The following ZNF738 variants were observed in gnomAD, a reference collection of about 807,000 sequenced individuals.
ZNF738 encodes protein ZNF738.
Under a neutral mutation model 9.2 loss-of-function variants are expected in ZNF738, and 10 were observed. The ratio of observed to expected loss-of-function variants is 1.09; its 90% CI spans 0.67 to 1.85. ZNF738 has a LOEUF of 1.85. Ranked by LOEUF, ZNF738 falls within the 40% of genes most tolerant of loss-of-function variation. The probability of loss-of-function intolerance (pLI) is 0.00; values close to 1 mark genes in which losing one functional copy is unlikely to be tolerated. For missense variants in ZNF738, 346 were observed against 283.6 expected, an observed-to-expected ratio of 1.22 and a Z score of -1.58; for synonymous variants, 113 against 94.5, an observed-to-expected ratio of 1.20 and a Z score of -1.14.
intron 1 of ZNF738, among the ~76,000 whole-genome samples, chr19:21,359,750 G>A (rs1385139611): frequency 1.3e-5 from 2 of 151,840 alleles, no homozygotes; most frequent in African/African-American, 4.8e-5. Flanking sequence ...GGTGGCGGGC[G>A]CCTGTAGTCC....
At position 21,375,931 on chromosome 19, in the gene ZNF738, A is replaced by G. The variant is rs1023590225; in HGVS notation, c.286A>G (p.Met96Val). Residue 96 changes from methionine to valine, a missense_variant, in exon 4 of 5, where the codon ATG becomes GTG. Coordinates refer to ENST00000683779, the MANE Select transcript of ZNF738 (RefSeq NM_001355237.2). ...GGAGCAAGGAAAAGATCCCTGGAAT[A>G]TGAAGAGACACAGTATGGTAGCCAC... ...CLEQGKDPWNMKRHSMVATPP... is the reference protein window; with the variant it reads ...CLEQGKDPWNVKRHSMVATPP... The G allele has an allele frequency of 2.5e-6, 2 of 796,806 alleles. No homozygotes were observed. Among genetic ancestry groups the G allele is most frequent in the Non-Finnish European group, 4.6e-6 (2 of 434,932 alleles). 49.4% of individuals were successfully genotyped at this position (796,806 alleles called of 1,614,324 possible).
chr19:21,369,814 TTC>T (rs1441112428), intron 2 of ZNF738, among the ~76,000 whole-genome samples: 95 of 151,920 alleles, frequency 6.3e-4, no homozygotes, highest in African/African-American at 2.2e-3. Flanking sequence ...TCCAGCTTCA[TTC>T]TTTTTTTTTT....
At chr19:21,359,175 G>C (rs1235475532) in intron 1 of ZNF738, 32 bp downstream of exon 1, 2 of 1,038,720 alleles carry the variant, frequency 1.9e-6, no homozygotes, top group South Asian at 1.3e-5. Context: ...TCCCGAGAGA[G>C]GGGAAGGGCT....
rs567488404 is a variant in ZNF738, at chr19:21,384,517, G to A, written c.*843G>A. Among the ~76,000 whole-genome samples the A allele has an allele frequency of 1.3e-5, 2 of 152,094 alleles. No individual in the cohort carries two copies. The highest frequency in any genetic ancestry group is 3.9e-4 in the East Asian group (2 of 5,172). The stretch of plus-strand genomic sequence containing the variant: ...AGACCCTACAAACATGAAGAAAGTG[G>A]CAAAGCTTTTAACTGTTCCTCACAA... On this transcript the variant is annotated 3_prime_UTR_variant, in exon 5 of 5. Transcript: ENST00000683779.
chr19:21,370,565 C>T (rs1478410440), intron 2 of ZNF738, among the ~76,000 whole-genome samples: 4 of 151,930 alleles, frequency 2.6e-5, no homozygotes, highest in Admixed American at 6.6e-5. Context: ...TTTTGGAGCT[C>T]GTTATTGGTA....
intron 2 of ZNF738, among the ~76,000 whole-genome samples, chr19:21,369,175 C>A (rs140136295): frequency 6.6e-6 from 1 of 152,302 alleles, no homozygotes; most frequent in African/African-American, 2.4e-5. Context: ...GATCTTGGCT[C>A]ACTTCAGCCT....
intron 4 of ZNF738, chr19:21,379,398 CAT>C (rs1312364559): frequency 6.6e-6 from 1 of 152,190 alleles, no homozygotes; most frequent in East Asian, 1.9e-4. Context: ...GTCTCTCAGA[CAT>C]ATTCTTACAA....
At chr19:21,377,533 C>T (rs1189965697) in intron 4 of ZNF738, 1 of 554,030 alleles carries the variant, frequency 1.8e-6, no homozygotes, top group East Asian at 3.2e-5. Context: ...CACACACACA[C>T]AAAATTTGTC....
chr19:21,361,885 C>T (rs780829875), intron 2 of ZNF738, 27 bp downstream of exon 2: 1 of 762,450 alleles, frequency 1.3e-6, no homozygotes, highest in Non-Finnish European at 2.4e-6. Context: ...TTAAAATTGT[C>T]TTTGGGACCA....
chr19:21,361,054 TCCGC>T (rs774081008), intron 1 of ZNF738, among the ~76,000 whole-genome samples: 42 of 151,998 alleles, frequency 2.8e-4, no homozygotes, highest in Non-Finnish European at 5.1e-4. Flanking sequence ...CCTCAGGTGA[TCCGC>T]CCGCCTTGGC....
At chr19:21,373,560 T>G (rs937925784) in intron 2 of ZNF738, among the ~76,000 whole-genome samples, 3 of 152,206 alleles carry the variant, frequency 2.0e-5, no homozygotes, top group South Asian at 2.1e-4. Flanking sequence ...TTATATTCAT[T>G]GAGCAGTTCA....
In ZNF738 at chr19:21,384,420, T is replaced by C. The variant is rs979899031; in HGVS notation, c.*746T>C. The stretch of plus-strand genomic sequence containing the variant: ...TCATAATGGAGAGAAACCCTACAAA[T>C]GTTTAGAATGTGGCAAAGATTTCTA... On this transcript the variant is annotated 3_prime_UTR_variant, in exon 5 of 5. Coordinates refer to ENST00000683779, the MANE Select transcript of ZNF738 (RefSeq NM_001355237.2). Among the ~76,000 whole-genome samples the C allele has an allele frequency of 1.3e-5, 2 of 152,102 alleles. No individual in the cohort carries two copies. The highest frequency in any genetic ancestry group is 4.8e-5 in the African/African-American group (2 of 41,420).
At chr19:21,382,243 T>C (rs552072245) in intron 4 of ZNF738, among the ~76,000 whole-genome samples, 2 of 140,168 alleles carry the variant, frequency 1.4e-5, no homozygotes, top group African/African-American at 5.2e-5. Flanking sequence ...AATTTACTTC[T>C]TTTTGTTTTT....
Position 21,383,754 on chromosome 19 carries a change from A to T in ZNF738, c.*80A>T. On this transcript the variant is annotated 3_prime_UTR_variant, in exon 5 of 5. Transcript: ENST00000683779. ...ACTGAAGAGAAACCCTACAAATGTGAGGAATGTGGCAAAGCTTTTAAACAG... is the reference window on the plus strand; with the variant it reads ...ACTGAAGAGAAACCCTACAAATGTGTGGAATGTGGCAAAGCTTTTAAACAG... The T allele has an allele frequency of 8.9e-7, 1 of 1,122,448 alleles. No individual in the cohort carries two copies. Among genetic ancestry groups the T allele is most frequent in the Non-Finnish European group, 1.3e-6 (1 of 741,726 alleles). The allele number at this position is 1,122,448 out of a possible 1,614,324, so 69.5% of individuals were successfully genotyped here. A position where few individuals can be genotyped will look rare whatever the true frequency, so the allele number is the denominator to read the frequency against.
chr19:21,375,739 C>G, intron 3 of ZNF738, 130 bp from the exon 4 acceptor site: 1 of 473,298 alleles, frequency 2.1e-6, no homozygotes, highest in Admixed American at 3.7e-5. Flanking sequence ...TAAGAACTTT[C>G]TGTCATTAAA....
chr19:21,362,198 G>C (rs1025852839), intron 2 of ZNF738, among the ~76,000 whole-genome samples: 5 of 152,028 alleles, frequency 3.3e-5, no homozygotes, highest in Non-Finnish European at 5.9e-5. Context: ...CAGCCAATCA[G>C]ATGCTGGTAA....
intron 2 of ZNF738, among the ~76,000 whole-genome samples, chr19:21,362,364 A>G (rs1973712511): frequency 6.6e-6 from 1 of 152,170 alleles, no homozygotes. Flanking sequence ...AAAAACAACA[A>G]CAAACTGACT....
chr19:21,383,542 T>G lies in ZNF738; in HGVS notation c.996T>G (p.Thr332=). The stretch of plus-strand genomic sequence containing the variant: ...CTTTCTGCCAATTCTCATACCTTAC[T>G]AAACATAAGATAATTCATACTGGAG... ...GKAFCQFSYL[T]KHKIIHTGEK... The change falls in exon 5 of 5, where the codon ACT becomes ACG. Residue 332 remains threonine (T), a synonymous_variant. Coordinates refer to ENST00000683779, the MANE Select transcript of ZNF738 (RefSeq NM_001355237.2). 1.0e-6 allele frequency: 1 copy of G among 1,003,908 alleles called. No individual in the cohort carries two copies. The allele number at this position is 1,003,908 out of a possible 1,614,324, so 62.2% of individuals were successfully genotyped here.
intron 2 of ZNF738, among the ~76,000 whole-genome samples, chr19:21,373,612 G>A (rs1973884490): frequency 6.6e-6 from 1 of 152,182 alleles, no homozygotes; most frequent in African/African-American, 2.4e-5. Flanking sequence ...AGAAATGGGT[G>A]TGCTTTTTCT....
Sources: gnomAD v4.1 joint callset for allele counts (sites outside exome capture counted in the v4.1 genomes callset) on GRCh38, gnomAD v4.1.1 for gene constraint, MANE v1.5 for transcripts, NCBI Gene and HGNC (gene_info 2026-07-23, HGNC 2026-07-21) for gene names.